The following KCNN2 variants were observed in gnomAD, a reference collection of about 807,000 sequenced individuals.
The protein encoded by KCNN2 is small conductance calcium-activated potassium channel protein 2.
Under a neutral mutation model 55.5 loss-of-function variants are expected in KCNN2, and 24 were observed. That is an observed-to-expected ratio of 0.43 (90% confidence interval 0.31 to 0.61). The LOEUF is 0.61. Among genes scored for constraint, KCNN2 ranks in the 20% least tolerant of loss-of-function variants. KCNN2 has a pLI of 0.08. For synonymous variants in KCNN2, 431 were observed against 336.1 expected, an observed-to-expected ratio of 1.28 and a Z score of -3.09; for missense variants, 754 against 853.6, an observed-to-expected ratio of 0.88 and a Z score of 1.45.
intron 1 of KCNN2, among the ~76,000 whole-genome samples, chr5:114,122,553 T>G (rs929318712): frequency 6.6e-6 from 1 of 152,138 alleles, no homozygotes; most frequent in Non-Finnish European, 1.5e-5. Flanking sequence ...CCCTGCAAAA[T>G]TATTTGCCAA....
intron 1 of KCNN2, among the ~76,000 whole-genome samples, chr5:114,131,100 G>C (rs563291837): frequency 2.0e-5 from 3 of 152,106 alleles, no homozygotes; most frequent in Non-Finnish European, 4.4e-5. Context: ...TATTTTCTCT[G>C]AAAGCTCTTA....
At chr5:114,319,824 C>T (rs1756578446) in intron 2 of KCNN2, among the ~76,000 whole-genome samples, 2 of 152,208 alleles carry the variant, frequency 1.3e-5, no homozygotes, top group Non-Finnish European at 2.9e-5. Flanking sequence ...TGTCCCATCA[C>T]ATGCTGTCTC....
chr5:114,163,313 A>G (rs1310486785), intron 1 of KCNN2, among the ~76,000 whole-genome samples: 2 of 152,122 alleles, frequency 1.3e-5, no homozygotes, highest in African/African-American at 4.8e-5. Context: ...CCTGGCCGGA[A>G]CTTCCAATAC....
intron 2 of KCNN2, among the ~76,000 whole-genome samples, chr5:114,294,956 T>C (rs2150019680): frequency 6.6e-6 from 1 of 152,342 alleles, no homozygotes; most frequent in African/African-American, 2.4e-5. Context: ...TTGATCTTTG[T>C]TGATTTAAAG....
chr5:114,244,446 A>C (rs1387056455), intron 2 of KCNN2, among the ~76,000 whole-genome samples: 2 of 152,084 alleles, frequency 1.3e-5, no homozygotes, highest in African/African-American at 4.8e-5. Context: ...AAATACAAAA[A>C]AATAGCCGGG....
chr5:114,268,605 A>G (rs908641819), intron 2 of KCNN2, among the ~76,000 whole-genome samples: 2 of 152,198 alleles, frequency 1.3e-5, no homozygotes, highest in African/African-American at 4.8e-5. Flanking sequence ...GGTCATGATC[A>G]GAGGTGCCTC....
chr5:114,321,108 G>A (rs114419297), intron 2 of KCNN2, among the ~76,000 whole-genome samples: 232 of 152,250 alleles, frequency 1.5e-3, no homozygotes, highest in African/African-American at 5.3e-3. Flanking sequence ...TGCATAGAGA[G>A]GTCCTTTTAG....
chr5:114,277,807 T>G (rs1199928542), intron 2 of KCNN2, among the ~76,000 whole-genome samples: 1 of 152,188 alleles, frequency 6.6e-6, no homozygotes, highest in African/African-American at 2.4e-5. Context: ...TGGAGAAGTT[T>G]GTTATTACCG....
intron 2 of KCNN2, among the ~76,000 whole-genome samples, chr5:114,274,686 G>C (rs866563899): frequency 6.6e-6 from 1 of 152,160 alleles, no homozygotes; most frequent in Non-Finnish European, 1.5e-5. Context: ...CATTGATTTT[G>C]TATCCTGAGA....
At chr5:114,318,015 A>C (rs1462361115) in intron 2 of KCNN2, among the ~76,000 whole-genome samples, 1 of 152,176 alleles carries the variant, frequency 6.6e-6, no homozygotes, top group African/African-American at 2.4e-5. Flanking sequence ...GATGTTTATT[A>C]TGGTGTACTA....
chr5:114,363,064 G>A lies in KCNN2; in HGVS notation c.925G>A (p.Gly309Ser), dbSNP rs1162271522. The change falls in exon 1 of 8, where the codon GGC becomes AGC. Residue 309 changes from glycine to serine, a missense_variant. By Grantham distance (56) the Gly-to-Ser change is moderately conservative. Around this residue, in one of 4 missense-constraint regions of KCNN2, gnomAD observed 381 missense variants for 259.1 expected, o/e 1.47. Transcript: ENST00000673685. Reference sequence around the variant, plus strand: ...CAGCACTGGAGGAGGCGGCGGCGGTGGCGGGAGCGGGCACGGCAGCAGCAG... The same window carrying A: ...CAGCACTGGAGGAGGCGGCGGCGGTAGCGGGAGCGGGCACGGCAGCAGCAG... ...GGSTGGGGGG[G>S]GSGHGSSSGT... is the part of the protein sequence containing the mutation. 5 of 1,609,138 alleles carry A rather than the reference G, an allele frequency of 3.1e-6. No individual in the cohort carries two copies. The South Asian group carries it at 4.4e-5, about 14-fold the overall frequency.
At chr5:114,199,129 A>T (rs1379506630) in intron 1 of KCNN2, among the ~76,000 whole-genome samples, 1 of 152,096 alleles carries the variant, frequency 6.6e-6, no homozygotes, top group African/African-American at 2.4e-5. Context: ...ATATATATAT[A>T]GGATTGTTAT....
chr5:114,427,506 C>G (rs1057312123), intron 3 of KCNN2, among the ~76,000 whole-genome samples: 4 of 152,198 alleles, frequency 2.6e-5, no homozygotes, highest in African/African-American at 9.7e-5. Flanking sequence ...ACCAATCCCA[C>G]TCTTGTTTAT....
At chr5:114,301,976 C>T (rs975953929) in intron 2 of KCNN2, among the ~76,000 whole-genome samples, 1 of 152,172 alleles carries the variant, frequency 6.6e-6, no homozygotes, top group African/African-American at 2.4e-5. Flanking sequence ...TTTGAAAATG[C>T]TGATGCTTGG....
At chr5:114,079,761 A>T (rs939798214) in intron 1 of KCNN2, among the ~76,000 whole-genome samples, 5 of 152,022 alleles carry the variant, frequency 3.3e-5, no homozygotes, top group African/African-American at 1.2e-4. Context: ...AGCAGTTCCC[A>T]AATGTTTCTT....
At chr5:114,487,734 G>A (rs1011023824) in intron 6 of KCNN2, among the ~76,000 whole-genome samples, 1 of 152,082 alleles carries the variant, frequency 6.6e-6, no homozygotes, top group African/African-American at 2.4e-5. Context: ...CGCTTTTAAA[G>A]TAACAATCTA....
chr5:114,186,425 A>G (rs1226832138), intron 1 of KCNN2, among the ~76,000 whole-genome samples: 1 of 152,206 alleles, frequency 6.6e-6, no homozygotes, highest in African/African-American at 2.4e-5. Flanking sequence ...TTTCTGGTCA[A>G]TTTGTGGAAG....
chr5:114,362,500 C>T lies in KCNN2; in HGVS notation c.361C>T (p.Arg121Trp), dbSNP rs974072599. 4.2e-6 allele frequency: 2 copies of T among 473,692 alleles called. No individual in the cohort carries two copies. Among genetic ancestry groups the T allele is most frequent in the African/African-American group, 2.1e-5 (1 of 48,504 alleles). 29.3% of individuals were successfully genotyped at this position (473,692 alleles called of 1,614,324 possible). ...SCCCCCCSSRRGSQLNVSELT... is the reference protein window; with the variant it reads ...SCCCCCCSSRWGSQLNVSELT... ...CTGCTGCTGCTGCTGCTCGTCGCGC[C>T]GGGGCAGCCAGCTCAATGTGAGCGA... Residue 121 changes from arginine (R) to tryptophan (W), a missense_variant, in exon 1 of 8, where the codon CGG (arginine) becomes TGG (tryptophan). Physicochemically the swap from Arg to Trp is moderately radical, Grantham distance 101 (BLOSUM62 -3). Coordinates refer to ENST00000673685, the MANE Select transcript of KCNN2 (RefSeq NM_021614.4).
At chr5:114,330,481 T>C (rs1756796763) in intron 2 of KCNN2, among the ~76,000 whole-genome samples, 2 of 152,206 alleles carry the variant, frequency 1.3e-5, no homozygotes, top group Admixed American at 6.5e-5. Flanking sequence ...ATACAACATA[T>C]CATTCAGAGC....
Sources: allele counts gnomAD v4.1 joint callset (sites outside exome capture counted in the v4.1 genomes callset), GRCh38; gene constraint gnomAD v4.1.1; regional missense constraint gnomAD v4.1.1; transcripts MANE v1.5; gene names NCBI Gene and HGNC (gene_info 2026-07-23, HGNC 2026-07-21).